The following FRAS1 variants were observed in gnomAD, a reference collection of about 807,000 sequenced individuals.
The protein encoded by FRAS1 is extracellular matrix organizing protein FRAS1.
In FRAS1, 290 loss-of-function variants were observed where a neutral mutation model predicts 435.2. The ratio of observed to expected loss-of-function variants is 0.67; its 90% CI spans 0.61 to 0.73. The LOEUF (loss-of-function observed/expected upper bound fraction) is 0.73, where lower values mean the gene tolerates loss of function less well. FRAS1 is among the 30% of genes least tolerant of loss of function. The pLI is 0.00. For missense variants in FRAS1, 4,860 were observed against 5,001.5 expected (o/e 0.97, Z 0.85); for synonymous variants, 1,800 against 1,851.0 (o/e 0.97, Z 0.71).
intron 2 of FRAS1, among the ~76,000 whole-genome samples, chr4:78,229,756 C>CT (rs1724442252): frequency 6.6e-6 from 1 of 151,936 alleles, no homozygotes; most frequent in African/African-American, 2.4e-5. Flanking sequence ...CTAGCCGCTC[C>CT]TATTAGCTCC....
Position 78,511,478 on chromosome 4 carries a change from G to A in FRAS1, c.9985G>A (p.Asp3329Asn), listed in dbSNP as rs1174411329. The A allele has an allele frequency of 1.2e-6, 2 of 1,613,694 alleles. No individual in the cohort carries two copies. The highest frequency in any genetic ancestry group is 1.7e-6 in the Non-Finnish European group (2 of 1,179,830). The change falls in exon 64 of 74, where the codon GAT becomes AAT. Residue 3329 changes from aspartate (D) to asparagine (N), a missense_variant. Asp to Asn is a conservative substitution (Grantham distance 23). Coordinates refer to ENST00000512123, the MANE Select transcript of FRAS1 (RefSeq NM_025074.7). ...QSFIATLKYLDVKHKEHPNRI... is the reference protein window; with the variant it reads ...QSFIATLKYLNVKHKEHPNRI... ...CTTCATCGCAACCTTGAAATACCTG[G>A]ATGTCAAACATAAGGAGCATCCGAA...
At position 78,507,542 on chromosome 4, in the gene FRAS1, T is replaced by C; in HGVS notation, c.9438T>C (p.Thr3146=). The C allele has an allele frequency of 6.2e-7, 1 of 1,612,100 alleles. No individual in the cohort carries two copies. Among genetic ancestry groups the C allele is most frequent in the Non-Finnish European group, 8.5e-7 (1 of 1,179,198 alleles). The change falls in exon 62 of 74, where the codon ACT becomes ACC. Residue 3146 remains threonine (T), a synonymous_variant. Coordinates refer to ENST00000512123, the MANE Select transcript of FRAS1 (RefSeq NM_025074.7). ...DPVEAVLGDV[T]TATVTILDQE... ...TGGAAGCAGTTCTTGGGGATGTGAC[T>C]ACTGCCACGGTGACAATTCTAGACC...
chr4:78,471,119 G>A (rs6845137), intron 51 of FRAS1, among the ~76,000 whole-genome samples: 96,876 of 151,970 alleles, frequency 0.64, 31,317 homozygotes, highest in South Asian at 0.82. Flanking sequence ...TTTAGGCATT[G>A]CTTTCTCTTT....
chr4:78,372,954 C>A, intron 24 of FRAS1, 96 bp downstream of exon 24: 1 of 1,374,444 alleles, frequency 7.3e-7, no homozygotes, highest in Non-Finnish European at 9.7e-7. Context: ...GTTTCCCCTT[C>A]TGGCTTTTTA....
At chr4:78,105,513 A>C (rs1381629378) in intron 2 of FRAS1, among the ~76,000 whole-genome samples, 2 of 152,178 alleles carry the variant, frequency 1.3e-5, no homozygotes. Context: ...ATATGAGGAA[A>C]GATAACAGGA....
rs1302884606 is a variant in FRAS1, at chr4:78,511,296, G to T, written c.9803G>T (p.Ser3268Ile). The change falls in exon 64 of 74, where the codon AGC (serine) becomes ATC (isoleucine). Residue 3268 changes from serine (S) to isoleucine (I), a missense_variant. Coordinates refer to ENST00000512123, the MANE Select transcript of FRAS1 (RefSeq NM_025074.7). ...NHMVLDSIYFSRRFHVRCVAK... is the reference protein window; with the variant it reads ...NHMVLDSIYFIRRFHVRCVAK... ...TAGGTCCTGGACAGCATTTACTTCA[G>T]CCGGAGGTTCCATGTGCGTTGTGTG... The T allele has an allele frequency of 1.2e-6, 2 of 1,603,032 alleles. No individual in the cohort carries two copies. The highest frequency in any genetic ancestry group is 2.2e-5 in the South Asian group (2 of 90,488).
Position 78,515,669 on chromosome 4 carries a change from G to C in FRAS1, c.10175-130G>C, listed in dbSNP as rs147884254. ...TTCTCCCTGCACATTGGGAGCCCTG[G>C]GTTGCTTTGTTAGTAGGGTCTCAGG... On this transcript the variant is annotated intron_variant, in intron 65 of 73. Transcript: ENST00000512123. 4.0e-6 allele frequency: 3 copies of C among 745,268 alleles called. No individual in the cohort carries two copies. The East Asian group carries it at 8.1e-5, about 20-fold the overall frequency. 46.2% of individuals were successfully genotyped at this position (745,268 alleles called of 1,614,324 possible).
intron 38 of FRAS1, among the ~76,000 whole-genome samples, chr4:78,433,794 A>G (rs747068161): frequency 1.3e-5 from 2 of 152,236 alleles, no homozygotes; most frequent in Non-Finnish European, 2.9e-5. Flanking sequence ...CGATCACCAG[A>G]GCTTGAAAAA....
intron 32 of FRAS1, among the ~76,000 whole-genome samples, chr4:78,416,318 G>A (rs557561698): frequency 1.3e-5 from 2 of 152,150 alleles, no homozygotes; most frequent in East Asian, 3.9e-4. Context: ...GGAGAAAGGG[G>A]GAGTTGTTCA....
chr4:78,418,098 G>C lies in FRAS1; in HGVS notation c.4426-851G>C, dbSNP rs1242541546. ...GTTAGTGAGTTATGGATGTACACAG[G>C]GGAAGGGATAGTAAAAGCTACATTC... On this transcript the variant is annotated intron_variant, in intron 32 of 73. Transcript: ENST00000512123. 3.3e-5 allele frequency among the ~76,000 whole-genome samples: 5 copies of C among 152,198 alleles called. No homozygotes were observed. The East Asian group carries it at 7.7e-4, about 23-fold the overall frequency.
chr4:78,221,611 A>C (rs1400526853), intron 2 of FRAS1, among the ~76,000 whole-genome samples: 1 of 152,184 alleles, frequency 6.6e-6, no homozygotes, highest in Non-Finnish European at 1.5e-5. Context: ...ATCCTTGCCA[A>C]GCTTCATTTC....
At chr4:78,124,937 C>T (rs936665960) in intron 2 of FRAS1, among the ~76,000 whole-genome samples, 2 of 152,076 alleles carry the variant, frequency 1.3e-5, no homozygotes, top group South Asian at 2.1e-4. Flanking sequence ...TTCAGAAAAC[C>T]AGCCAATGCA....
chr4:78,347,333 C>A (rs181519969), intron 20 of FRAS1, among the ~76,000 whole-genome samples: 7 of 152,312 alleles, frequency 4.6e-5, no homozygotes, highest in Middle Eastern at 6.8e-3. Context: ...TCTCTTTCTG[C>A]TAGAGGGTCT....
intron 2 of FRAS1, among the ~76,000 whole-genome samples, chr4:78,185,640 T>A (rs1172484906): frequency 6.6e-6 from 1 of 152,238 alleles, no homozygotes; most frequent in African/African-American, 2.4e-5. Context: ...TTGATTGTCA[T>A]ACAGTTTTAT....
At chr4:78,156,127 T>A (rs1451033370) in intron 2 of FRAS1, among the ~76,000 whole-genome samples, 1 of 152,176 alleles carries the variant, frequency 6.6e-6, no homozygotes, top group African/African-American at 2.4e-5. Flanking sequence ...TGATCCCAAA[T>A]AATTGTCCAC....
intron 2 of FRAS1, among the ~76,000 whole-genome samples, chr4:78,222,521 A>T (rs370690169): frequency 2.6e-5 from 4 of 152,246 alleles, no homozygotes; most frequent in Non-Finnish European, 5.9e-5. Context: ...TTGCATGTAT[A>T]TGCTGGCGAT....
chr4:78,228,092 T>G (rs1724349612), intron 2 of FRAS1, among the ~76,000 whole-genome samples: 1 of 152,132 alleles, frequency 6.6e-6, no homozygotes, highest in South Asian at 2.1e-4. Context: ...GTGGAGGAAG[T>G]TGACAAGAAA....
At chr4:78,152,197 A>G (rs1720694920) in intron 2 of FRAS1, among the ~76,000 whole-genome samples, 1 of 152,176 alleles carries the variant, frequency 6.6e-6, no homozygotes, top group African/African-American at 2.4e-5. Context: ...ACATCTGTGA[A>G]TAAATTTGAA....
At chr4:78,464,794 A>C (rs1175479533) in intron 49 of FRAS1, among the ~76,000 whole-genome samples, 1 of 152,212 alleles carries the variant, frequency 6.6e-6, no homozygotes, top group African/African-American at 2.4e-5. Flanking sequence ...ACCCTTTCTG[A>C]AAACCTAAAT....
Sources: allele counts gnomAD v4.1 joint callset (sites outside exome capture counted in the v4.1 genomes callset), GRCh38; gene constraint gnomAD v4.1.1; transcripts MANE v1.5; gene names NCBI Gene and HGNC (gene_info 2026-07-23, HGNC 2026-07-21).